Variants in NT5M observed in about 807,000 individuals in gnomAD.
NT5M encodes the protein 5',3'-nucleotidase, mitochondrial, also known as 5'(3')-deoxyribonucleotidase, mitochondrial.
A neutral mutation model predicts 22.2 loss-of-function variants in NT5M; 22 were observed. The ratio of observed to expected loss-of-function variants is 0.99; its 90% CI spans 0.71 to 1.41. The LOEUF (loss-of-function observed/expected upper bound fraction) is 1.41. NT5M is among the 40% of genes most tolerant of loss of function. The probability of loss-of-function intolerance (pLI) is 0.00; values close to 1 mark genes in which losing one functional copy is unlikely to be tolerated. For synonymous variants in NT5M, 167 were observed against 133.0 expected (o/e 1.26, Z -1.76); for missense variants, 322 against 314.8 (o/e 1.02, Z -0.17).
At chr17:17,317,271 G>A (rs746555740) in intron 2 of NT5M, among the ~76,000 whole-genome samples, 4 of 151,514 alleles carry the variant, frequency 2.6e-5, no homozygotes, top group African/African-American at 7.3e-5. Flanking sequence ...GGTTAGTCTC[G>A]ATCTCCTGAC....
At chr17:17,314,670 T>G (rs1427828793) in intron 2 of NT5M, among the ~76,000 whole-genome samples, 1 of 152,172 alleles carries the variant, frequency 6.6e-6, no homozygotes, top group Non-Finnish European at 1.5e-5. Flanking sequence ...GACCCTGCCT[T>G]CCTTTCCAAC....
At chr17:17,314,554 A>G (rs1038830182) in intron 2 of NT5M, among the ~76,000 whole-genome samples, 2 of 152,148 alleles carry the variant, frequency 1.3e-5, no homozygotes, top group African/African-American at 4.8e-5. Flanking sequence ...ATATTTTTTA[A>G]ACCAAATTCA....
chr17:17,306,728 G>GCCTTCTCC, intron 2 of NT5M, 85 bp downstream of exon 2: 1 of 943,714 alleles, frequency 1.1e-6, no homozygotes, highest in Non-Finnish European at 1.7e-6. Flanking sequence ...TCCCTCCTCT[G>GCCTTCTCC]CCTTCTCCTT....
intron 3 of NT5M, among the ~76,000 whole-genome samples, chr17:17,338,687 T>G (rs574670721): frequency 1.0e-4 from 15 of 148,076 alleles, no homozygotes; most frequent in Admixed American, 6.7e-4. Flanking sequence ...GTTTTTTTTT[T>G]TTTTTTTTTT....
chr17:17,346,875 GC>G lies in NT5M; in HGVS notation c.622del (p.Arg208AlafsTer34), dbSNP rs754390000. The G allele has an allele frequency of 6.2e-6, 10 of 1,607,532 alleles. No homozygotes were observed. The highest frequency in any genetic ancestry group is 1.7e-5 in the Admixed American group (1 of 59,964). ...GCCACAACCAGCACCTGCAGCTGCA[GC>G]CCCCCCGCCGCAGGCTGCACTCGTG... is the stretch of plus-strand genomic sequence containing the variant. ...ACHNQHLQLQ[P>X]PRRRLHSWAD... On this transcript the variant is annotated frameshift_variant, in exon 5 of 5. Coordinates refer to ENST00000389022, the MANE Select transcript of NT5M (RefSeq NM_020201.4). LOFTEE classifies it high-confidence loss of function.
At chr17:17,329,637 C>T (rs2049334965) in intron 3 of NT5M, among the ~76,000 whole-genome samples, 1 of 152,100 alleles carries the variant, frequency 6.6e-6, no homozygotes, top group African/African-American at 2.4e-5. Context: ...TTCCAGATGA[C>T]ATGTCTGCCT....
intron 3 of NT5M, among the ~76,000 whole-genome samples, chr17:17,338,535 TG>T (rs1408065873): frequency 4.6e-5 from 7 of 152,152 alleles, no homozygotes; most frequent in African/African-American, 1.7e-4. Flanking sequence ...TCTGTTTTTA[TG>T]CCAGTAACAT....
chr17:17,304,273 C>A, intron 1 of NT5M: 1 of 348,550 alleles, frequency 2.9e-6, no homozygotes, highest in Non-Finnish European at 4.0e-6. Flanking sequence ...GTATTTGAGG[C>A]CCAGAGAGGT....
At chr17:17,315,931 T>A (rs1437153590) in intron 2 of NT5M, among the ~76,000 whole-genome samples, 2 of 151,200 alleles carry the variant, frequency 1.3e-5, no homozygotes. Flanking sequence ...TTTTTTTGTA[T>A]TTTTTAGTAG....
intron 3 of NT5M, among the ~76,000 whole-genome samples, chr17:17,334,561 C>T (rs926608238): frequency 4.7e-5 from 7 of 149,446 alleles, no homozygotes; most frequent in Admixed American, 1.3e-4. Flanking sequence ...TCACTGCAAC[C>T]TCCTACTGGG....
chr17:17,338,684 T>TG (rs1362900668), intron 3 of NT5M, among the ~76,000 whole-genome samples: 1 of 147,738 alleles, frequency 6.8e-6, no homozygotes, highest in Non-Finnish European at 1.5e-5. Flanking sequence ...AGGGTTTTTT[T>TG]TTTTTTTTTT....
At chr17:17,321,529 T>G (rs1485763368) in intron 2 of NT5M, among the ~76,000 whole-genome samples, 1 of 151,302 alleles carries the variant, frequency 6.6e-6, no homozygotes, top group Non-Finnish European at 1.5e-5. Context: ...GTTGAGGAAA[T>G]GGGGCGGGTG....
chr17:17,335,391 G>A (rs761415318), intron 3 of NT5M, among the ~76,000 whole-genome samples: 2 of 151,790 alleles, frequency 1.3e-5, no homozygotes, highest in Non-Finnish European at 2.9e-5. Flanking sequence ...CCAAGTAGCT[G>A]GGACTATAGG....
rs376204936 is a variant in NT5M, at chr17:17,330,985, G to A, written c.429+7740G>A. ...CTTGAACTCCTGAGCTCAGGCAATCGCCTGCCTCAGCCTCCCAAAGTGCTA... is the reference window on the plus strand; with the variant it reads ...CTTGAACTCCTGAGCTCAGGCAATCACCTGCCTCAGCCTCCCAAAGTGCTA... On this transcript the variant is annotated intron_variant, in intron 3 of 4. Coordinates refer to ENST00000389022, the MANE Select transcript of NT5M (RefSeq NM_020201.4). Among the ~76,000 whole-genome samples the A allele has an allele frequency of 7.5e-4, 112 of 149,202 alleles. 2 individuals carry two copies. In the South Asian group the frequency reaches 0.022, roughly 29 times the overall value.
chr17:17,305,840 G>T (rs191343781), intron 1 of NT5M, among the ~76,000 whole-genome samples: 20 of 152,172 alleles, frequency 1.3e-4, no homozygotes, highest in African/African-American at 4.6e-4. Flanking sequence ...GAGAGGGTTG[G>T]TGTTGGGGGT....
At chr17:17,306,261 T>C (rs1024293898) in intron 1 of NT5M, among the ~76,000 whole-genome samples, 3 of 152,318 alleles carry the variant, frequency 2.0e-5, no homozygotes, top group African/African-American at 4.8e-5. Context: ...TTCCTGATGA[T>C]TGGCCTCAGG....
intron 4 of NT5M, chr17:17,345,307 G>C: frequency 9.9e-7 from 1 of 1,006,440 alleles, no homozygotes; most frequent in Non-Finnish European, 1.2e-6. Context: ...AGCTCCTGCA[G>C]GGAAGGTGGG....
At chr17:17,307,054 C>T (rs7217114) in intron 2 of NT5M, among the ~76,000 whole-genome samples, 117,108 of 151,980 alleles carry the variant, frequency 0.77, 45,647 homozygotes, top group Non-Finnish European at 0.83. Flanking sequence ...AAAAGTTAGC[C>T]GGGCATGGTG....
intron 1 of NT5M, among the ~76,000 whole-genome samples, chr17:17,304,205 T>C (rs2048742756): frequency 6.6e-6 from 1 of 151,656 alleles, no homozygotes; most frequent in South Asian, 2.1e-4. Context: ...CCCAGGACTT[T>C]GATGGGTGTC....
Sources: allele counts gnomAD v4.1 joint callset (sites outside exome capture counted in the v4.1 genomes callset), GRCh38; gene constraint gnomAD v4.1.1; transcripts MANE v1.5; gene names NCBI Gene and HGNC (gene_info 2026-07-23, HGNC 2026-07-21).